The following EML5 variants were observed in gnomAD, a reference collection of about 807,000 sequenced individuals.
EML5 encodes the protein EMAP like 5.
A neutral mutation model predicts 250.0 loss-of-function variants in EML5; 120 were observed. The observed-to-expected ratio is 0.48, with a 90% CI of 0.41 to 0.56. EML5 has a LOEUF of 0.56. Ranked by LOEUF, EML5 falls within the 20% of genes least tolerant of loss-of-function variation. The pLI is 0.00. For synonymous variants in EML5, 771 were observed against 806.5 expected (o/e 0.96, Z 0.75); for missense variants, 2,006 against 2,437.6 (o/e 0.82, Z 3.73).
chr14:88,633,044 C>A (rs374928402), intron 33 of EML5, among the ~76,000 whole-genome samples: 1 of 152,100 alleles, frequency 6.6e-6, no homozygotes, highest in Non-Finnish European at 1.5e-5. Flanking sequence ...GCCTTAAGTA[C>A]CTCTGAGTCC....
chr14:88,718,923 T>TTAC (rs1195206087), intron 8 of EML5, among the ~76,000 whole-genome samples: 1 of 152,150 alleles, frequency 6.6e-6, no homozygotes. Flanking sequence ...CTTTTGGAAC[T>TTAC]TACTACTCCC....
intron 27 of EML5, among the ~76,000 whole-genome samples, chr14:88,651,154 CTTTTTTTTTTTTTT>C: frequency 1.1e-5 from 1 of 93,148 alleles, no homozygotes; most frequent in Non-Finnish European, 2.0e-5. Context: ...TTGTCATTTT[CTTTTTTTTTTTTTT>C]TTTTTTTTTA....
intron 31 of EML5, among the ~76,000 whole-genome samples, chr14:88,640,590 G>A (rs1325843379): frequency 1.3e-5 from 2 of 152,124 alleles, no homozygotes; most frequent in Non-Finnish European, 2.9e-5. Context: ...AGTGCTAAAT[G>A]CCTATCTCAA....
Position 88,706,455 on chromosome 14 carries a change from TAAAC to T in EML5, c.1658-33_1658-30del, listed in dbSNP as rs775164154. ...TAATAAAAATATATCTTTAAATTGA[TAAAC>T]AAATGCTAAACAAAATACCATTTCA... On this transcript the variant is annotated intron_variant, in intron 10 of 43. Transcript: ENST00000554922. 2.1e-4 allele frequency: 296 copies of T among 1,435,088 alleles called. 1 individual carries two copies. In the African/African-American group the frequency reaches 3.6e-3, roughly 17 times the overall value. 88.9% of individuals were successfully genotyped at this position (1,435,088 alleles called of 1,614,324 possible).
At chr14:88,652,380 T>C (rs905232171) in intron 27 of EML5, among the ~76,000 whole-genome samples, 6 of 152,020 alleles carry the variant, frequency 3.9e-5, no homozygotes, top group African/African-American at 1.4e-4. Flanking sequence ...ATTTACAAGA[T>C]CTCTCAGTTC....
At chr14:88,654,793 G>C (rs995403680) in intron 27 of EML5, among the ~76,000 whole-genome samples, 1 of 152,096 alleles carries the variant, frequency 6.6e-6, no homozygotes, top group Non-Finnish European at 1.5e-5. Flanking sequence ...ATGTCTATTA[G>C]GTCCGTTTGT....
chr14:88,738,685 C>G lies in EML5; in HGVS notation c.847+194G>C, dbSNP rs557370244. Among the ~76,000 whole-genome samples the G allele has an allele frequency of 7.9e-4, 120 of 152,260 alleles. 1 individual carries two copies. Among genetic ancestry groups the G allele is most frequent in the African/African-American group, 2.9e-3 (119 of 41,546 alleles). ...ACTTATGAAAGAATCTTTCTCCTAA[C>G]AATGAACCTAAACTCTTTACAGGCA... On this transcript the variant is annotated intron_variant, in intron 6 of 43. Coordinates refer to ENST00000554922, the MANE Select transcript of EML5 (RefSeq NM_183387.3).
At chr14:88,747,692 C>T (rs1053695594) in intron 2 of EML5, among the ~76,000 whole-genome samples, 6 of 151,956 alleles carry the variant, frequency 3.9e-5, no homozygotes, top group African/African-American at 7.3e-5. Context: ...AAGAAGCAAA[C>T]GGAACTTCCA....
intron 43 of EML5, 120 bp downstream of exon 43, chr14:88,616,022 A>G: frequency 7.7e-7 from 1 of 1,299,504 alleles, no homozygotes; most frequent in Non-Finnish European, 1.1e-6. Flanking sequence ...CCATCTGGTT[A>G]TACTACCTTC....
rs12888022 is a variant in EML5, at chr14:88,684,999, T to C, written c.2982+16A>G. On this transcript the variant is annotated intron_variant, in intron 20 of 43. Transcript: ENST00000554922. ...TGTATGTAAAGAAAAAAAAACAAAT[T>C]AGCATTTAAAATTACCTGAACCAGA... The C allele has an allele frequency of 0.14, 214,181 of 1,583,706 alleles. 17,273 individuals carry two copies. Among genetic ancestry groups the C allele is most frequent in the African/African-American group, 0.31 (22,489 of 73,562 alleles).
chr14:88,752,532 AT>A (rs1013656611), intron 2 of EML5, among the ~76,000 whole-genome samples: 8 of 152,048 alleles, frequency 5.3e-5, no homozygotes, highest in East Asian at 1.9e-4. Context: ...CTAGAAGCAC[AT>A]TTTTTTTCCA....
intron 26 of EML5, 22 bp downstream of exon 26, chr14:88,658,165 C>G: frequency 6.2e-7 from 1 of 1,610,938 alleles, no homozygotes; most frequent in South Asian, 1.1e-5. Flanking sequence ...TATTTTTGTT[C>G]AAGTATTATA....
Position 88,696,935 on chromosome 14 carries a change from T to G in EML5, c.2256A>C (p.Ser752=). Residue 752 remains serine, a synonymous_variant, in exon 15 of 44, where the codon TCA becomes TCC. Transcript: ENST00000554922. ...VATGQVGRDP[S]IHIWDTETIK... ...TGGTCTCTGTATCCCATATATGAAT[T>G]GAGGGATCTCTACCAACCTAAAATA... 1.9e-6 allele frequency: 3 copies of G among 1,594,762 alleles called. No individual in the cohort carries two copies. The highest frequency in any genetic ancestry group is 2.6e-6 in the Non-Finnish European group (3 of 1,170,198).
At chr14:88,789,061 T>A (rs2094579901) in intron 1 of EML5, among the ~76,000 whole-genome samples, 1 of 151,108 alleles carries the variant, frequency 6.6e-6, no homozygotes, top group African/African-American at 2.4e-5. Flanking sequence ...CAAGGGCCTG[T>A]CTCAGTTTAA....
intron 14 of EML5, among the ~76,000 whole-genome samples, chr14:88,698,511 C>T (rs1418600628): frequency 1.3e-5 from 2 of 151,980 alleles, no homozygotes; most frequent in African/African-American, 4.8e-5. Flanking sequence ...AGTGATCTGC[C>T]GCCTCAGTTT....
At chr14:88,730,735 A>G (rs2093742698) in intron 7 of EML5, among the ~76,000 whole-genome samples, 1 of 152,228 alleles carries the variant, frequency 6.6e-6, no homozygotes, top group African/African-American at 2.4e-5. Flanking sequence ...AGACAAGAAT[A>G]TATTCAAAAT....
chr14:88,744,642 T>C (rs1190708692), intron 3 of EML5, among the ~76,000 whole-genome samples: 1 of 151,880 alleles, frequency 6.6e-6, no homozygotes, highest in Non-Finnish European at 1.5e-5. Flanking sequence ...TCTAAATACA[T>C]GCAAAACATT....
chr14:88,683,830 G>C (rs555704361), intron 20 of EML5, among the ~76,000 whole-genome samples: 3 of 152,080 alleles, frequency 2.0e-5, no homozygotes, highest in African/African-American at 7.2e-5. Context: ...GAGCATCTAC[G>C]AAAAACCCAC....
intron 17 of EML5, among the ~76,000 whole-genome samples, chr14:88,689,930 A>T (rs1426661121): frequency 6.6e-6 from 1 of 152,186 alleles, no homozygotes; most frequent in African/African-American, 2.4e-5. Flanking sequence ...TGGAGAAAAT[A>T]GAAGCATAAA....
Sources: gnomAD v4.1 joint callset for allele counts (sites outside exome capture counted in the v4.1 genomes callset) on GRCh38, gnomAD v4.1.1 for gene constraint, MANE v1.5 for transcripts, NCBI Gene and HGNC (gene_info 2026-07-23, HGNC 2026-07-21) for gene names.